Variants in TRMT61B observed in about 807,000 individuals in gnomAD.
The protein encoded by TRMT61B is tRNA methyltransferase 61B.
TRMT61B carries 56 observed loss-of-function variants against 52.0 expected under a neutral mutation model. The ratio of observed to expected loss-of-function variants is 1.08; its 90% confidence interval spans 0.87 to 1.35. The LOEUF is 1.35. Ranked by LOEUF, TRMT61B falls within the 40% of genes most tolerant of loss-of-function variation. The pLI, the probability that TRMT61B is intolerant of heterozygous loss-of-function variation, is 0.00. For missense variants in TRMT61B, 650 were observed against 577.9 expected, an observed-to-expected ratio of 1.12 and a Z score of -1.28; for synonymous variants, 206 against 220.0, an observed-to-expected ratio of 0.94 and a Z score of 0.56.
At chr2:28,850,972 A>T in intron 5 of TRMT61B, 100 bp downstream of exon 5, 1 of 738,918 alleles carries the variant, frequency 1.4e-6, no homozygotes, top group Non-Finnish European at 2.1e-6. Context: ...ACTTTTCTAT[A>T]GAAAATTGCT....
intron 2 of TRMT61B, among the ~76,000 whole-genome samples, chr2:28,864,216 C>T (rs373209706): frequency 3.9e-5 from 6 of 152,116 alleles, no homozygotes; most frequent in Admixed American, 6.6e-5. Flanking sequence ...TTGGCCCTAA[C>T]GATATATAAC....
At chr2:28,859,296 G>T (rs1195781579) in intron 3 of TRMT61B, among the ~76,000 whole-genome samples, 1 of 151,694 alleles carries the variant, frequency 6.6e-6, no homozygotes, top group Non-Finnish European at 1.5e-5. Flanking sequence ...AGCCAGGATG[G>T]TCTCCATCTC....
intron 3 of TRMT61B, among the ~76,000 whole-genome samples, chr2:28,853,821 G>T (rs964316526): frequency 7.4e-6 from 1 of 135,314 alleles, no homozygotes; most frequent in Non-Finnish European, 1.6e-5. Context: ...GGGTGACAGA[G>T]TGAGATTCTG....
chr2:28,865,665 G>A (rs1048762781), intron 1 of TRMT61B, among the ~76,000 whole-genome samples: 4 of 138,718 alleles, frequency 2.9e-5, no homozygotes, highest in African/African-American at 5.3e-5. Context: ...ATAAAATGAT[G>A]AATTTCCTTT....
intron 2 of TRMT61B, among the ~76,000 whole-genome samples, chr2:28,862,167 T>G (rs1252769514): frequency 3.8e-5 from 5 of 131,020 alleles, no homozygotes; most frequent in Non-Finnish European, 7.7e-5. Context: ...GATGCGCCAC[T>G]GCACTCCAGC....
At chr2:28,867,429 G>A (rs540527197) in intron 1 of TRMT61B, among the ~76,000 whole-genome samples, 3 of 152,198 alleles carry the variant, frequency 2.0e-5, no homozygotes, top group African/African-American at 7.2e-5. Flanking sequence ...ATGGAATTAT[G>A]TAATTCTAAC....
chr2:28,862,271 T>TA (rs1669636735), intron 2 of TRMT61B, among the ~76,000 whole-genome samples: 1 of 150,748 alleles, frequency 6.6e-6, no homozygotes, highest in Non-Finnish European at 1.5e-5. Context: ...TTGAACTTTT[T>TA]ATCTGTATCA....
chr2:28,859,830 G>A (rs964533508), intron 3 of TRMT61B, among the ~76,000 whole-genome samples: 2 of 152,054 alleles, frequency 1.3e-5, no homozygotes, highest in East Asian at 1.9e-4. Context: ...TCCTATGGAT[G>A]ACCTAAACAG....
chr2:28,869,444 T>C (rs1252544722), intron 1 of TRMT61B, 135 bp downstream of exon 1: 2 of 618,384 alleles, frequency 3.2e-6, no homozygotes, highest in Non-Finnish European at 5.6e-6. Context: ...TAACCATTGG[T>C]TTATTTTAAA....
chr2:28,852,781 G>A (rs115337364), intron 3 of TRMT61B, among the ~76,000 whole-genome samples: 2,877 of 151,638 alleles, frequency 0.019, 92 homozygotes, highest in African/African-American at 0.067. Flanking sequence ...AACATAGCGA[G>A]ACTCTGACTC....
At position 28,850,356 on chromosome 2, in the gene TRMT61B, T is replaced by G. The variant is rs1167019735; in HGVS notation, c.1362A>C (p.Arg454Ser). 5.6e-6 allele frequency: 9 copies of G among 1,610,994 alleles called. No homozygotes were observed. The highest frequency in any genetic ancestry group is 7.6e-6 in the Non-Finnish European group (9 of 1,178,558). Residue 454 changes from arginine (R) to serine (S), a missense_variant, in exon 6 of 7, where the codon AGA becomes AGC. Coordinates refer to ENST00000306108, the MANE Select transcript of TRMT61B (RefSeq NM_017910.4). ...FPYGSFPYVA[R>S]PVHWQPGHTA... ...TATGACCAGGTTGCCAGTGTACTGGTCTAGCAACATAGGGAAATGATCCAT... is the reference window on the plus strand; with the variant it reads ...TATGACCAGGTTGCCAGTGTACTGGGCTAGCAACATAGGGAAATGATCCAT...
At position 28,861,313 on chromosome 2, in the gene TRMT61B, A is replaced by G. The variant is rs748338138; in HGVS notation, c.803-5T>C. The G allele has an allele frequency of 1.3e-5, 21 of 1,562,482 alleles. No homozygotes were observed. The highest frequency in any genetic ancestry group is 1.7e-5 in the Non-Finnish European group (20 of 1,160,612). On this transcript the variant is annotated splice_polypyrimidine_tract_variant and splice_region_variant and intron_variant, in intron 2 of 6. Transcript: ENST00000306108. Reference sequence around the variant, plus strand: ...TGACTCGTCCTTGTGATCCAACTTAAGTAAAAAATAATTTGATATTTCATA... The same window carrying G: ...TGACTCGTCCTTGTGATCCAACTTAGGTAAAAAATAATTTGATATTTCATA...
chr2:28,856,681 T>A (rs1228234050), intron 3 of TRMT61B, among the ~76,000 whole-genome samples: 1 of 151,878 alleles, frequency 6.6e-6, no homozygotes, highest in South Asian at 2.1e-4. Context: ...GTCGCCCAGG[T>A]TGGAGTACAA....
In TRMT61B at chr2:28,851,307, A is replaced by G; in HGVS notation, c.1086-9T>C. The G allele has an allele frequency of 6.4e-7, 1 of 1,566,684 alleles. No homozygotes were observed. The highest frequency in any genetic ancestry group is 8.7e-7 in the Non-Finnish European group (1 of 1,155,562). ...CAATAACCTGTGTGATGCTTTCAGA[A>G]AAGTGAAAAATTTACATTTCTACTA... On this transcript the variant is annotated splice_polypyrimidine_tract_variant and intron_variant, in intron 4 of 6. Transcript: ENST00000306108.
chr2:28,850,613 G>T (rs1402044894), intron 5 of TRMT61B: 8 of 495,090 alleles, frequency 1.6e-5, no homozygotes, highest in Middle Eastern at 5.5e-4. Context: ...TAACCAAATG[G>T]ATAAGCCTAT....
intron 3 of TRMT61B, among the ~76,000 whole-genome samples, chr2:28,859,416 G>A (rs1268179522): frequency 6.6e-6 from 1 of 152,060 alleles, no homozygotes; most frequent in Non-Finnish European, 1.5e-5. Flanking sequence ...TTTGATCTTT[G>A]ATCAAACACC....
chr2:28,860,199 C>G lies in TRMT61B; in HGVS notation c.993+919G>C, dbSNP rs558248783. Among the ~76,000 whole-genome samples the G allele has an allele frequency of 4.6e-5, 6 of 129,454 alleles. No homozygotes were observed. In the South Asian group the frequency reaches 1.3e-3, roughly 29 times the overall value. 84.9% of individuals were successfully genotyped at this position (129,454 alleles called of 152,430 possible). Reference sequence around the variant, plus strand: ...AGGCAGGAGAATCGCTTGAACCCGGCAGGCGGAGGTTGCAGTGAGCTGAGA... The same window carrying G: ...AGGCAGGAGAATCGCTTGAACCCGGGAGGCGGAGGTTGCAGTGAGCTGAGA... On this transcript the variant is annotated intron_variant, in intron 3 of 6. Coordinates refer to ENST00000306108, the MANE Select transcript of TRMT61B (RefSeq NM_017910.4).
intron 2 of TRMT61B, among the ~76,000 whole-genome samples, chr2:28,864,586 T>C (rs1313751295): frequency 2.0e-5 from 3 of 152,070 alleles, no homozygotes; most frequent in Non-Finnish European, 2.9e-5. Context: ...GTGGTTTCCT[T>C]TGGTGATGAT....
rs138273369 is a variant in TRMT61B at position 28,866,304 on chromosome 2, C to A, written c.700-1185G>T. ...ACGTGCCTGGCCAAATGATGAACTTCTAATTTAGAATTAAGATACTATATA... is the reference window on the plus strand; with the variant it reads ...ACGTGCCTGGCCAAATGATGAACTTATAATTTAGAATTAAGATACTATATA... On this transcript the variant is annotated intron_variant, in intron 1 of 6. Coordinates refer to ENST00000306108, the MANE Select transcript of TRMT61B (RefSeq NM_017910.4). 1.4e-3 allele frequency among the ~76,000 whole-genome samples: 215 copies of A among 152,236 alleles called. 3 individuals are homozygous for A. The highest frequency in any genetic ancestry group is 4.9e-3 in the African/African-American group (204 of 41,548).
Sources: allele counts gnomAD v4.1 joint callset (sites outside exome capture counted in the v4.1 genomes callset), GRCh38; gene constraint gnomAD v4.1.1; transcripts MANE v1.5; gene names NCBI Gene and HGNC (gene_info 2026-07-23, HGNC 2026-07-21).